NAV2: variants seen among roughly 807,000 people sequenced by gnomAD.
NAV2 encodes the protein neuron navigator 2.
NAV2 carries 54 observed loss-of-function variants against 223.2 expected under a neutral mutation model. The observed-to-expected ratio is 0.24, with a 90% confidence interval of 0.19 to 0.30. The LOEUF (loss-of-function observed/expected upper bound fraction) is 0.30. Ranked by LOEUF, NAV2 falls within the 10% of genes least tolerant of loss-of-function variation. NAV2 has a pLI of 1.00. For synonymous variants in NAV2, 1,279 were observed against 1,239.3 expected (o/e 1.03, Z -0.67); for missense variants, 2,806 against 3,147.5 (o/e 0.89, Z 2.60).
rs575890437 is a variant in NAV2 at position 19,474,045 on chromosome 11, C to G, written c.75+123018C>G. Among the ~76,000 whole-genome samples the G allele has an allele frequency of 3.4e-3, 512 of 152,228 alleles. 5 individuals are homozygous for G. Among genetic ancestry groups the G allele is most frequent in the Middle Eastern group, 0.027 (8 of 294 alleles). ...TCCTGGACATTTCCTTACACATAGC[C>G]CTCTCTAGAGCACTGTCCCATAAAC... On this transcript the variant is annotated intron_variant, in intron 1 of 37. Coordinates refer to the NAV2 transcript ENST00000360655.
chr11:19,349,236 G>A (rs1044857952), upstream of NAV2, among the ~76,000 whole-genome samples: 6 of 152,176 alleles, frequency 3.9e-5, no homozygotes, highest in African/African-American at 9.7e-5. Flanking sequence ...AGTGTTTCAC[G>A]TGTGTGGGAC....
At chr11:19,485,572 A>T (rs542796267) in intron 1 of NAV2, among the ~76,000 whole-genome samples, 3 of 152,278 alleles carry the variant, frequency 2.0e-5, no homozygotes, top group African/African-American at 7.2e-5. Context: ...CCAGAAATCA[A>T]CTGTGAATAT....
chr11:19,602,428 G>T (rs145923807), intron 1 of NAV2, among the ~76,000 whole-genome samples: 1 of 151,928 alleles, frequency 6.6e-6, no homozygotes, highest in Non-Finnish European at 1.5e-5. Context: ...TTCCTGCTTC[G>T]GCCTCCCAAA....
chr11:19,569,041 C>A (rs2045352321), intron 1 of NAV2, among the ~76,000 whole-genome samples: 1 of 152,222 alleles, frequency 6.6e-6, no homozygotes, highest in African/African-American at 2.4e-5. Context: ...GATCCAGCTT[C>A]TGCATGGTCA....
chr11:19,424,711 C>G (rs1047416107), intron 1 of NAV2, among the ~76,000 whole-genome samples: 2 of 149,994 alleles, frequency 1.3e-5, no homozygotes, highest in Non-Finnish European at 2.9e-5. Context: ...ACACGTCTGG[C>G]TATTTTTTTT....
chr11:19,466,984 T>C (rs967511085), intron 1 of NAV2, among the ~76,000 whole-genome samples: 2 of 125,202 alleles, frequency 1.6e-5, no homozygotes, highest in African/African-American at 6.1e-5. Context: ...TCTCTCTCTC[T>C]ACACACACAC....
intron 1 of NAV2, among the ~76,000 whole-genome samples, chr11:19,418,685 C>G (rs1295455252): frequency 6.6e-6 from 1 of 152,122 alleles, no homozygotes; most frequent in South Asian, 2.1e-4. Context: ...GAAAAAGAGG[C>G]AGCAGCCAGA....
chr11:19,663,563 G>T (rs912065979), intron 1 of NAV2, among the ~76,000 whole-genome samples: 10 of 152,238 alleles, frequency 6.6e-5, no homozygotes, highest in South Asian at 6.2e-4. Flanking sequence ...ACTTTTCATT[G>T]TCTGCTCCAT....
At chr11:19,930,742 GCC>G (rs1026922979) in intron 6 of NAV2, among the ~76,000 whole-genome samples, 12 of 152,252 alleles carry the variant, frequency 7.9e-5, no homozygotes, top group Admixed American at 2.6e-4. Flanking sequence ...CTTTACATCT[GCC>G]CCAGATCTAA....
intron 6 of NAV2, among the ~76,000 whole-genome samples, chr11:19,911,831 G>A (rs766850259): frequency 6.6e-5 from 10 of 152,132 alleles, no homozygotes; most frequent in Non-Finnish European, 1.5e-4. Flanking sequence ...GAAAGGGAGA[G>A]CGCATCTTGA....
Position 19,913,613 on chromosome 11 carries a change from G to A in NAV2, c.932-19563G>A, listed in dbSNP as rs117427497. On this transcript the variant is annotated intron_variant, in intron 6 of 37. Coordinates refer to ENST00000349880, the MANE Select transcript of NAV2 (RefSeq NM_145117.5). The stretch of plus-strand genomic sequence containing the variant: ...CCCGGTTATAAGCCAAATTCATGCC[G>A]TGCCTTTGCCTAAGAGGATGAGACT... Among the ~76,000 whole-genome samples the A allele has an allele frequency of 4.3e-4, 65 of 152,282 alleles. No homozygotes were observed. The East Asian group carries it at 0.011, about 26-fold the overall frequency.
intron 1 of NAV2, among the ~76,000 whole-genome samples, chr11:19,807,146 C>T (rs1459164973): frequency 6.6e-6 from 1 of 152,178 alleles, no homozygotes. Flanking sequence ...GGGGTAAATG[C>T]GTTAGCAACC....
chr11:19,889,320 C>T (rs528974735), intron 5 of NAV2, among the ~76,000 whole-genome samples: 3 of 152,114 alleles, frequency 2.0e-5, no homozygotes, highest in African/African-American at 4.8e-5. Context: ...GAGCAAGCAA[C>T]GATCTGAGCC....
chr11:19,603,643 A>AAAAAAAG (rs918376873), intron 1 of NAV2, among the ~76,000 whole-genome samples: 13 of 151,004 alleles, frequency 8.6e-5, no homozygotes, highest in African/African-American at 2.9e-4. Flanking sequence ...AAAAAAAAAA[A>AAAAAAAG]AAAAAAGAAA....
At chr11:19,762,010 AG>A in intron 1 of NAV2, among the ~76,000 whole-genome samples, 1 of 152,118 alleles carries the variant, frequency 6.6e-6, no homozygotes, top group Non-Finnish European at 1.5e-5. Context: ...TGGGAGGCCA[AG>A]GGGGGCGGAT....
chr11:20,040,003 C>T (rs1225434381), intron 12 of NAV2, among the ~76,000 whole-genome samples: 2 of 152,136 alleles, frequency 1.3e-5, no homozygotes, highest in Admixed American at 1.3e-4. Context: ...CCTCTTCAGC[C>T]CTGTATTTTC....
At chr11:19,469,687 G>GA (rs543247405) in intron 1 of NAV2, among the ~76,000 whole-genome samples, 91 of 152,122 alleles carry the variant, frequency 6.0e-4, no homozygotes, top group Middle Eastern at 3.4e-3. Flanking sequence ...CAAAAAGAAG[G>GA]AAAAAAACCA....
intron 1 of NAV2, among the ~76,000 whole-genome samples, chr11:19,810,062 C>A (rs1420302176): frequency 1.3e-5 from 2 of 152,204 alleles, no homozygotes; most frequent in African/African-American, 4.8e-5. Flanking sequence ...AGAACATCTA[C>A]ATACTTTATT....
At chr11:19,800,418 A>G (rs1344840390) in intron 1 of NAV2, among the ~76,000 whole-genome samples, 12 of 152,230 alleles carry the variant, frequency 7.9e-5, no homozygotes. Context: ...CAAGTCTCTC[A>G]TGGTTTGAGA....
Sources: allele counts gnomAD v4.1 joint callset (sites outside exome capture counted in the v4.1 genomes callset), GRCh38; gene constraint gnomAD v4.1.1; transcripts MANE v1.5; gene names NCBI Gene and HGNC (gene_info 2026-07-23, HGNC 2026-07-21).